The following PILRA variants were observed in gnomAD, a reference collection of about 807,000 sequenced individuals.
PILRA encodes the protein paired immunoglobulin-like type 2 receptor alpha.
A neutral mutation model predicts 33.1 loss-of-function variants in PILRA; 37 were observed. The ratio of observed to expected loss-of-function variants is 1.12; its 90% CI spans 0.86 to 1.47. The LOEUF is 1.47. Among genes scored for constraint, PILRA ranks in the 40% most tolerant of loss-of-function variants. The probability of loss-of-function intolerance (pLI) is 0.00; values close to 1 mark genes in which losing one functional copy is unlikely to be tolerated. For missense variants in PILRA, 312 were observed against 376.2 expected (o/e 0.83, Z 1.41); for synonymous variants, 146 against 149.9 (o/e 0.97, Z 0.19).
intron 3 of PILRA, among the ~76,000 whole-genome samples, chr7:100,394,469 C>T (rs1791450492): frequency 6.6e-6 from 1 of 151,746 alleles, no homozygotes; most frequent in Admixed American, 6.6e-5. Context: ...TTCAACAGCA[C>T]GGCAAAAGAA....
intron 4 of PILRA, among the ~76,000 whole-genome samples, chr7:100,399,003 G>A (rs987610697): frequency 4.0e-5 from 6 of 151,522 alleles, no homozygotes; most frequent in Non-Finnish European, 5.9e-5. Flanking sequence ...GTGCAGTGGC[G>A]CAATCATAGC....
At chr7:100,379,722 T>C (rs182777445) in intron 2 of PILRA, among the ~76,000 whole-genome samples, 95 of 149,572 alleles carry the variant, frequency 6.4e-4, no homozygotes, top group African/African-American at 2.2e-3. Flanking sequence ...AGATGGTGGG[T>C]TATATGCATG....
At chr7:100,391,875 T>G (rs1791397017) in intron 3 of PILRA, among the ~76,000 whole-genome samples, 1 of 152,206 alleles carries the variant, frequency 6.6e-6, no homozygotes. Context: ...GAGATCCATG[T>G]GTGGCATCTC....
rs1318994857 is a variant in PILRA at position 100,390,087 on chromosome 7, C to T, written c.654C>T (p.Leu218=). The T allele has an allele frequency of 6.2e-7, 1 of 1,614,032 alleles. No individual in the cohort carries two copies. Residue 218 remains leucine (L), a synonymous_variant, in exon 3 of 7, where the codon CTC becomes CTT. Coordinates refer to ENST00000198536, the MANE Select transcript of PILRA (RefSeq NM_013439.3). The part of the protein sequence containing the change: ...GIMILGLICL[L]RWRRRKGQQR... ...TGATTTTGGGACTGATCTGCCTCCT[C>T]AGGTGGAGGAGAAGGAAAGGTAAGT... is the stretch of plus-strand genomic sequence containing the variant.
At chr7:100,398,830 C>T (rs1354738044) in intron 4 of PILRA, among the ~76,000 whole-genome samples, 2 of 152,180 alleles carry the variant, frequency 1.3e-5, no homozygotes, top group Admixed American at 6.5e-5. Context: ...CTCTTCCAAG[C>T]AGCCTCCGAG....
At chr7:100,397,080 G>A (rs79830839) in intron 3 of PILRA, among the ~76,000 whole-genome samples, 3,405 of 150,008 alleles carry the variant, frequency 0.023, 142 homozygotes, top group African/African-American at 0.076. Context: ...CTGCAGCATG[G>A]AAATGATACT....
At position 100,374,309 on chromosome 7, in the gene PILRA, C is replaced by T. The variant is rs749991894; in HGVS notation, c.330C>T (p.Leu110=). ...CAGAGGGTCAGAAGAGCGGCTTCCT[C>T]AGGATCTCCAACCTGCAGAAGCAGG... ...NWTEGQKSGF[L]RISNLQKQDQ... is the part of the protein sequence containing the mutation. Residue 110 remains leucine, a synonymous_variant, in exon 2 of 7, where the codon CTC becomes CTT. Transcript: ENST00000198536. The T allele has an allele frequency of 9.3e-6, 15 of 1,613,996 alleles. No homozygotes were observed. The highest frequency in any genetic ancestry group is 1.6e-4 in the Middle Eastern group (1 of 6,084).
At chr7:100,384,237 G>A (rs939529554) in intron 2 of PILRA, among the ~76,000 whole-genome samples, 3 of 151,774 alleles carry the variant, frequency 2.0e-5, no homozygotes, top group Non-Finnish European at 4.4e-5. Context: ...CGGAAGAACG[G>A]GTTTAGGGGG....
chr7:100,397,416 C>CA (rs1791522096), intron 3 of PILRA, among the ~76,000 whole-genome samples: 1 of 151,104 alleles, frequency 6.6e-6, no homozygotes, highest in Admixed American at 6.6e-5. Flanking sequence ...TTTGAACAGC[C>CA]ACAAACATGA....
chr7:100,389,835 C>G (rs527658403), intron 2 of PILRA, 53 bp from the exon 3 acceptor site: 19 of 1,507,326 alleles, frequency 1.3e-5, no homozygotes, highest in Non-Finnish European at 1.8e-5. Context: ...GCCTTTCACC[C>G]AGACACCCTG....
intron 2 of PILRA, among the ~76,000 whole-genome samples, chr7:100,388,131 A>G (rs1791293242): frequency 1.3e-5 from 2 of 152,190 alleles, no homozygotes; most frequent in South Asian, 4.1e-4. Flanking sequence ...ACAGTATGTT[A>G]TTATACATGT....
intron 2 of PILRA, among the ~76,000 whole-genome samples, chr7:100,378,162 C>T (rs1235332291): frequency 6.7e-6 from 1 of 149,492 alleles, no homozygotes; most frequent in Non-Finnish European, 1.5e-5. Flanking sequence ...TTAACATGGG[C>T]AACATAGTGA....
chr7:100,371,532 G>A (rs1044782865), upstream of PILRA, among the ~76,000 whole-genome samples: 1 of 152,142 alleles, frequency 6.6e-6, no homozygotes, highest in Non-Finnish European at 1.5e-5. Flanking sequence ...TAGGATACTT[G>A]TTGGGGGAAT....
chr7:100,387,164 C>A (rs541683247), intron 2 of PILRA, among the ~76,000 whole-genome samples: 2 of 152,342 alleles, frequency 1.3e-5, no homozygotes, highest in African/African-American at 4.8e-5. Flanking sequence ...ATAACTCCCA[C>A]AAACTTAGCG....
chr7:100,376,846 C>T (rs1162506118), intron 2 of PILRA, among the ~76,000 whole-genome samples: 2 of 142,902 alleles, frequency 1.4e-5, no homozygotes, highest in Admixed American at 7.6e-5. Context: ...ACTGCAGTGT[C>T]GACCTCCCAG....
chr7:100,393,915 GC>G (rs1043605060), intron 3 of PILRA, among the ~76,000 whole-genome samples: 6 of 152,044 alleles, frequency 3.9e-5, no homozygotes, highest in African/African-American at 1.4e-4. Context: ...GAGAGCCCCG[GC>G]CCTCTCCACA....
intron 2 of PILRA, among the ~76,000 whole-genome samples, chr7:100,382,601 T>C (rs1173242319): frequency 6.6e-6 from 1 of 152,174 alleles, no homozygotes; most frequent in African/African-American, 2.4e-5. Context: ...CTCTGTAAAA[T>C]AGACCAATCA....
intron 2 of PILRA, chr7:100,374,634 C>T (rs551992911): frequency 5.4e-5 from 35 of 652,840 alleles, no homozygotes; most frequent in African/African-American, 5.2e-4. Context: ...CTGCTTTCCC[C>T]AACCATCCCC....
At chr7:100,375,840 T>C (rs1417060363) in intron 2 of PILRA, among the ~76,000 whole-genome samples, 1 of 152,366 alleles carries the variant, frequency 6.6e-6, no homozygotes, top group Non-Finnish European at 1.5e-5. Context: ...TTGACCATAG[T>C]GTTCGCCTTG....
Sources: gnomAD v4.1 joint callset for allele counts (sites outside exome capture counted in the v4.1 genomes callset) on GRCh38, gnomAD v4.1.1 for gene constraint, MANE v1.5 for transcripts, NCBI Gene and HGNC (gene_info 2026-07-23, HGNC 2026-07-21) for gene names.